FERMT2: variants seen among roughly 807,000 people sequenced by gnomAD.
The protein encoded by FERMT2 is fermitin family homolog 2.
In FERMT2, 15 loss-of-function variants were observed where a neutral mutation model predicts 82.7. The observed-to-expected ratio is 0.18, with a 90% confidence interval of 0.12 to 0.28. The LOEUF is 0.28. Ranked by LOEUF, FERMT2 falls within the 10% of genes least tolerant of loss-of-function variation. FERMT2 has a pLI of 1.00. For missense variants in FERMT2, 645 were observed against 809.4 expected, an observed-to-expected ratio of 0.80 and a Z score of 2.46; for synonymous variants, 274 against 271.5, an observed-to-expected ratio of 1.01 and a Z score of -0.09.
intron 3 of FERMT2, among the ~76,000 whole-genome samples, chr14:52,894,712 T>C (rs1457470683): frequency 6.6e-6 from 1 of 152,060 alleles, no homozygotes; most frequent in African/African-American, 2.4e-5. Context: ...TTCATATATA[T>C]ATGTTTTAAA....
intron 7 of FERMT2, 59 bp from the exon 8 acceptor site, chr14:52,875,416 A>T: frequency 7.8e-7 from 1 of 1,275,090 alleles, no homozygotes; most frequent in South Asian, 1.4e-5. Flanking sequence ...CTAAAATGAA[A>T]TTACTATCTG....
In FERMT2 at chr14:52,882,542, C is replaced by A. The variant is rs572118467; in HGVS notation, c.527-1073G>T. 2.0e-5 allele frequency among the ~76,000 whole-genome samples: 3 copies of A among 152,258 alleles called. No individual in the cohort carries two copies. In the South Asian group the frequency reaches 6.2e-4, roughly 32 times the overall value. ...TTAAGGACAAGCAGCTCCCCCAAGT[C>A]CTAGCTCTGTTAAATTATATTTTGT... On this transcript the variant is annotated intron_variant, in intron 4 of 14. Coordinates refer to ENST00000341590, the MANE Select transcript of FERMT2 (RefSeq NM_006832.3).
chr14:52,893,804 T>C (rs940667267), intron 3 of FERMT2, among the ~76,000 whole-genome samples: 13 of 150,594 alleles, frequency 8.6e-5, no homozygotes, highest in African/African-American at 2.7e-4. Flanking sequence ...GTAATGATAC[T>C]TTTAAATCAT....
At chr14:52,902,889 A>AAAAAAC (rs1566740566) in intron 3 of FERMT2, among the ~76,000 whole-genome samples, 1 of 140,050 alleles carries the variant, frequency 7.1e-6, no homozygotes, top group African/African-American at 2.6e-5. Flanking sequence ...AAAAAAAAAA[A>AAAAAAC]AACCCCAAAA....
Position 52,886,200 on chromosome 14 carries a change from T to C in FERMT2, c.527-4731A>G, listed in dbSNP as rs141048155. ...AAACACAGATTTACAACATTCAATA[T>C]TGAGCAGAATGTAGGAAATGGGGCA... On this transcript the variant is annotated intron_variant, in intron 4 of 14. Coordinates refer to ENST00000341590, the MANE Select transcript of FERMT2 (RefSeq NM_006832.3). 6.2e-4 allele frequency among the ~76,000 whole-genome samples: 94 copies of C among 152,164 alleles called. No homozygotes were observed. The Middle Eastern group carries it at 0.014, about 22-fold the overall frequency.
chr14:52,902,667 G>C (rs1388944996), intron 3 of FERMT2, among the ~76,000 whole-genome samples: 3 of 150,470 alleles, frequency 2.0e-5, no homozygotes, highest in Non-Finnish European at 1.5e-5. Flanking sequence ...TCAGGAATTC[G>C]AGACCAGCCT....
At chr14:52,914,658 G>A (rs749159887) in intron 3 of FERMT2, among the ~76,000 whole-genome samples, 1 of 152,166 alleles carries the variant, frequency 6.6e-6, no homozygotes, top group Non-Finnish European at 1.5e-5. Context: ...GGTGGCTCAT[G>A]CCTGCAATCC....
intron 12 of FERMT2, chr14:52,861,266 C>A (rs1468497046): frequency 2.0e-6 from 1 of 504,832 alleles, no homozygotes; most frequent in Non-Finnish European, 3.5e-6. Context: ...GAGAAACACT[C>A]CACATTATTT....
At chr14:52,866,278 T>A (rs991220337) in intron 10 of FERMT2, among the ~76,000 whole-genome samples, 1 of 152,172 alleles carries the variant, frequency 6.6e-6, no homozygotes, top group Non-Finnish European at 1.5e-5. Context: ...CTTCCTCAGT[T>A]ACCCAATTAG....
At chr14:52,867,820 T>C (rs575138216) in intron 10 of FERMT2, among the ~76,000 whole-genome samples, 11 of 152,194 alleles carry the variant, frequency 7.2e-5, no homozygotes, top group Non-Finnish European at 1.0e-4. Context: ...ATCCACCCAA[T>C]TGCACAAATC....
At position 52,860,416 on chromosome 14, in the gene FERMT2, A is replaced by C. The variant is rs1566713855; in HGVS notation, c.1652T>G (p.Leu551Arg). The C allele has an allele frequency of 6.2e-7, 1 of 1,613,750 alleles. No individual in the cohort carries two copies. The highest frequency in any genetic ancestry group is 8.5e-7 in the Non-Finnish European group (1 of 1,179,702). ...AATAAATCTCATCTTGGCTTCAATT[A>C]GACTCATCTGAGCTACATTCTGATG... is the stretch of plus-strand genomic sequence containing the variant. ...EAHQNVAQMSLIEAKMRFIQA... is the reference protein window; with the variant it reads ...EAHQNVAQMSRIEAKMRFIQA... Residue 551 changes from leucine (L) to arginine (R), a missense_variant, in exon 13 of 15, where the codon CTA (leucine) becomes CGA (arginine). Leu to Arg is a moderately radical substitution (Grantham distance 102, BLOSUM62 -2). Coordinates refer to ENST00000341590, the MANE Select transcript of FERMT2 (RefSeq NM_006832.3).
At chr14:52,901,482 G>A (rs986625898) in intron 3 of FERMT2, among the ~76,000 whole-genome samples, 4 of 152,142 alleles carry the variant, frequency 2.6e-5, no homozygotes, top group East Asian at 1.9e-4. Context: ...TGATTTTAGG[G>A]AGATTATCCT....
chr14:52,919,469 G>C, intron 2 of FERMT2, 113 bp from the exon 3 acceptor site: 1 of 642,440 alleles, frequency 1.6e-6, no homozygotes, highest in Non-Finnish European at 2.6e-6. Flanking sequence ...TAACTACTAA[G>C]TTACTGTTAT....
Position 52,859,636 on chromosome 14 carries a change from A to G in FERMT2, c.1806T>C (p.Asp602=). Residue 602 remains aspartate, a synonymous_variant, in exon 14 of 15, where the codon GAT becomes GAC. Transcript: ENST00000341590. ...TGCTGAAACGCCATGTTTTAATTGC[A>G]TCTCCAGTGCTGGCATCCATCCGAA... is the stretch of plus-strand genomic sequence containing the variant. ...RLIRMDASTG[D]AIKTWRFSNM... is the part of the protein sequence containing the mutation. 6.2e-7 allele frequency: 1 copy of G among 1,612,370 alleles called. No homozygotes were observed. The highest frequency in any genetic ancestry group is 8.5e-7 in the Non-Finnish European group (1 of 1,179,096).
chr14:52,887,151 T>C (rs112052749), intron 4 of FERMT2, among the ~76,000 whole-genome samples: 6 of 152,146 alleles, frequency 3.9e-5, no homozygotes, highest in African/African-American at 1.4e-4. Context: ...TTTTTTTTTT[T>C]TTGAGATGGA....
intron 12 of FERMT2, chr14:52,860,825 C>A: frequency 1.6e-6 from 1 of 633,592 alleles, no homozygotes; most frequent in Non-Finnish European, 2.8e-6. Flanking sequence ...TGTCTATAAT[C>A]AGAATGAATA....
intron 2 of FERMT2, among the ~76,000 whole-genome samples, chr14:52,928,668 TG>T (rs2139667378): frequency 6.6e-6 from 1 of 152,340 alleles, no homozygotes; most frequent in South Asian, 2.1e-4. Flanking sequence ...TATTTTTTTC[TG>T]TCTACCACGG....
chr14:52,874,981 G>A (rs1885866736), intron 8 of FERMT2, among the ~76,000 whole-genome samples: 1 of 152,126 alleles, frequency 6.6e-6, no homozygotes, highest in South Asian at 2.1e-4. Context: ...TTGAGCCCTG[G>A]AGTTTGAGAA....
Position 52,859,575 on chromosome 14 carries a change from T to C in FERMT2, c.1867A>G (p.Met623Val). 6.2e-7 allele frequency: 1 copy of C among 1,604,822 alleles called. No homozygotes were observed. The highest frequency in any genetic ancestry group is 8.5e-7 in the Non-Finnish European group (1 of 1,175,002). ...AAGTAACATTGTTATGAGTTTACCA[T>C]TTTGATTTCCCAGTTGACATTCCAC... ...KQWNVNWEIKMVTVEFADEVR... is the reference protein window; with the variant it reads ...KQWNVNWEIKVVTVEFADEVR... Residue 623 changes from methionine (M) to valine (V), a missense_variant and splice_region_variant, in exon 14 of 15, where the codon ATG becomes GTG. Physicochemically the swap from Met to Val is conservative, Grantham distance 21. Coordinates refer to ENST00000341590, the MANE Select transcript of FERMT2 (RefSeq NM_006832.3).
Sources: gnomAD v4.1 joint callset for allele counts (sites outside exome capture counted in the v4.1 genomes callset) on GRCh38, gnomAD v4.1.1 for gene constraint, MANE v1.5 for transcripts, NCBI Gene and HGNC (gene_info 2026-07-23, HGNC 2026-07-21) for gene names.